The following SYT17 variants were observed in gnomAD, a reference collection of about 807,000 sequenced individuals.
SYT17 encodes the protein synaptotagmin 17.
A neutral mutation model predicts 46.7 loss-of-function variants in SYT17; 22 were observed. That is an observed-to-expected ratio of 0.47 (90% CI 0.34 to 0.67). The LOEUF (loss-of-function observed/expected upper bound fraction) is 0.67. Among genes scored for constraint, SYT17 ranks in the 30% least tolerant of loss-of-function variants. SYT17 has a pLI of 0.01. For missense variants in SYT17, 519 were observed against 612.8 expected (o/e 0.85, Z 1.62); for synonymous variants, 251 against 248.4 (o/e 1.01, Z -0.10).
intron 7 of SYT17, among the ~76,000 whole-genome samples, chr16:19,246,513 T>TA (rs1967582035): frequency 6.6e-6 from 1 of 152,178 alleles, no homozygotes; most frequent in Non-Finnish European, 1.5e-5. Context: ...TAAAAGTCCC[T>TA]AATTTCCCCT....
chr16:19,265,566 T>C (rs759577366), intron 7 of SYT17, among the ~76,000 whole-genome samples: 10 of 152,246 alleles, frequency 6.6e-5, no homozygotes, highest in Non-Finnish European at 1.0e-4. Context: ...AGCTCTGTTT[T>C]TGGCAGCATA....
intron 5 of SYT17, among the ~76,000 whole-genome samples, chr16:19,213,217 C>T (rs1965971730): frequency 6.6e-6 from 1 of 152,204 alleles, no homozygotes; most frequent in South Asian, 2.1e-4. Flanking sequence ...CATGAGAGTG[C>T]ACTGAACAAA....
chr16:19,208,273 AT>A (rs573930555), intron 5 of SYT17, among the ~76,000 whole-genome samples: 1 of 152,154 alleles, frequency 6.6e-6, no homozygotes, highest in Non-Finnish European at 1.5e-5. Flanking sequence ...AAGAACATAA[AT>A]TTACTCTCTG....
rs751154366 is a variant in SYT17 at position 19,180,515 on chromosome 16, T to C, written c.307T>C (p.Tyr103His). The C allele has an allele frequency of 6.2e-7, 1 of 1,614,178 alleles. No individual in the cohort carries two copies. The highest frequency in any genetic ancestry group is 1.1e-5 in the South Asian group (1 of 91,088). The change falls in exon 4 of 8, where the codon TAC becomes CAC. Residue 103 changes from tyrosine (Y) to histidine (H), a missense_variant. Physicochemically the swap from Tyr to His is moderately conservative, Grantham distance 83 (BLOSUM62 2). Coordinates refer to ENST00000355377, the MANE Select transcript of SYT17 (RefSeq NM_016524.4). The stretch of plus-strand genomic sequence containing the variant: ...GTCCTCAGACACATCCAAGTCTACA[T>C]ACAGCCTGACGCGGAGGATTTCGAG... Reference protein sequence around the residue: ...RSSSDTSKSTYSLTRRISSLE... With the variant: ...RSSSDTSKSTHSLTRRISSLE...
At chr16:19,198,792 G>A (rs78836758) in intron 5 of SYT17, among the ~76,000 whole-genome samples, 2,929 of 152,354 alleles carry the variant, frequency 0.019, 80 homozygotes, top group African/African-American at 0.067. Context: ...CTCAATTAAT[G>A]TGAACTTCCT....
chr16:19,194,481 G>A (rs1965155035), intron 5 of SYT17, among the ~76,000 whole-genome samples: 1 of 152,232 alleles, frequency 6.6e-6, no homozygotes, highest in East Asian at 1.9e-4. Flanking sequence ...GGGGTCAACA[G>A]GAAACACCCT....
At chr16:19,235,287 G>GA (rs1168958389) in intron 7 of SYT17, among the ~76,000 whole-genome samples, 1 of 152,170 alleles carries the variant, frequency 6.6e-6, no homozygotes, top group Non-Finnish European at 1.5e-5. Flanking sequence ...TAAAGACACT[G>GA]AAAACCAAAC....
chr16:19,201,687 A>T (rs1164281222), intron 5 of SYT17, among the ~76,000 whole-genome samples: 2 of 151,962 alleles, frequency 1.3e-5, no homozygotes, highest in Non-Finnish European at 2.9e-5. Context: ...AAAAAAAAAA[A>T]AAAAGACCAA....
intron 7 of SYT17, among the ~76,000 whole-genome samples, chr16:19,231,249 G>T (rs1175307672): frequency 6.6e-6 from 1 of 151,990 alleles, no homozygotes; most frequent in Non-Finnish European, 1.5e-5. Flanking sequence ...AAGTGGCCAG[G>T]GTTTCCTGTC....
intron 5 of SYT17, chr16:19,211,601 C>A: frequency 1.6e-6 from 1 of 626,004 alleles, no homozygotes; most frequent in South Asian, 1.9e-5. Flanking sequence ...CAAGTTCAAG[C>A]CTTGGGGCAG....
intron 5 of SYT17, among the ~76,000 whole-genome samples, chr16:19,222,311 G>C (rs1462471992): frequency 6.6e-6 from 1 of 151,164 alleles, no homozygotes; most frequent in Non-Finnish European, 1.5e-5. Flanking sequence ...TTTTTTAAAA[G>C]GGGACAGAGA....
chr16:19,263,467 C>A (rs542933320), intron 7 of SYT17, among the ~76,000 whole-genome samples: 5 of 152,022 alleles, frequency 3.3e-5, no homozygotes, highest in Admixed American at 3.3e-4. Context: ...TGTGGCAAAA[C>A]CCTGTCTCTA....
chr16:19,168,708 C>A lies in SYT17; in HGVS notation c.15+47C>A. The A allele has an allele frequency of 1.4e-6, 2 of 1,437,990 alleles. No individual in the cohort carries two copies. Among genetic ancestry groups the A allele is most frequent in the Non-Finnish European group, 1.8e-6 (2 of 1,091,244 alleles). 89.1% of individuals were successfully genotyped at this position (1,437,990 alleles called of 1,614,324 possible). On this transcript the variant is annotated intron_variant, in intron 1 of 7. Transcript: ENST00000355377. This position sits in a 1 kb window ranked among gnomAD's most constrained non-coding sequence, Gnocchi z 6.9. ...AGGTCCGGGGTGCGGGTAGGGGGTG[C>A]CGCGCCCCCTCCGGCTGGGAGCGCG...
At chr16:19,208,926 G>A (rs927723300) in intron 5 of SYT17, among the ~76,000 whole-genome samples, 4 of 109,906 alleles carry the variant, frequency 3.6e-5, no homozygotes, top group Admixed American at 1.2e-4. Context: ...AGAGTCTCGC[G>A]CTGTCACCCA....
Position 19,243,806 on chromosome 16 carries a change from G to GA in SYT17, c.1228+18974dup, listed in dbSNP as rs1344062878. The stretch of plus-strand genomic sequence containing the variant: ...GCACTCCAGCCTGGGCAACAAGAGC[G>GA]AAAAAACTCCATCAAAAAAAAAAAA... On this transcript the variant is annotated intron_variant, in intron 7 of 7. Transcript: ENST00000355377. 2.0e-4 allele frequency among the ~76,000 whole-genome samples: 15 copies of GA among 73,634 alleles called. No homozygotes were observed. In the Admixed American group the frequency reaches 2.4e-3, roughly 12 times the overall value. 48.3% of individuals were successfully genotyped at this position (73,634 alleles called of 152,430 possible).
Position 19,183,037 on chromosome 16 carries a change from T to G in SYT17, c.332-491T>G, listed in dbSNP as rs748560003. On this transcript the variant is annotated intron_variant, in intron 4 of 7. Coordinates refer to ENST00000355377, the MANE Select transcript of SYT17 (RefSeq NM_016524.4). The surrounding 1 kb of genome is among the most constrained non-coding windows in gnomAD (Gnocchi z 5.6). ...AGTACACGAGTAGTGAGTAAGTGGC[T>G]GAGATGGAATTCCACCCAGGCACTC... Among the ~76,000 whole-genome samples the G allele has an allele frequency of 6.6e-6, 1 of 152,176 alleles. No homozygotes were observed. Among genetic ancestry groups the G allele is most frequent in the Non-Finnish European group, 1.5e-5 (1 of 68,032 alleles).
At chr16:19,222,326 G>A (rs896109824) in intron 5 of SYT17, among the ~76,000 whole-genome samples, 1 of 152,040 alleles carries the variant, frequency 6.6e-6, no homozygotes, top group Admixed American at 6.6e-5. Flanking sequence ...CAGAGAAGTG[G>A]GAGGCCTCCT....
At chr16:19,241,336 G>C (rs1484144166) in intron 7 of SYT17, among the ~76,000 whole-genome samples, 1 of 152,114 alleles carries the variant, frequency 6.6e-6, no homozygotes, top group African/African-American at 2.4e-5. Context: ...TGGGGGATTG[G>C]GGCTGGGGAG....
At chr16:19,224,862 T>A (rs117314738) in intron 7 of SYT17, 24 bp downstream of exon 7, 8 of 1,612,962 alleles carry the variant, frequency 5.0e-6, no homozygotes, top group African/African-American at 1.3e-5. Context: ...CAAAACCCGA[T>A]GAACTCCAGG....
Sources: gnomAD v4.1 joint callset for allele counts (sites outside exome capture counted in the v4.1 genomes callset) on GRCh38, gnomAD v4.1.1 for gene constraint, Gnocchi (gnomAD v3.1) non-coding constraint, MANE v1.5 for transcripts, NCBI Gene and HGNC (gene_info 2026-07-23, HGNC 2026-07-21) for gene names.